The following CTNNBL1 variants were observed in gnomAD, a reference collection of about 807,000 sequenced individuals.
CTNNBL1 encodes the protein beta-catenin-like protein 1.
Under a neutral mutation model 72.7 loss-of-function variants are expected in CTNNBL1, and 31 were observed. The ratio of observed to expected loss-of-function variants is 0.43; its 90% CI spans 0.32 to 0.58. The LOEUF (loss-of-function observed/expected upper bound fraction) is 0.58. CTNNBL1 is among the 20% of genes least tolerant of loss of function. The pLI is 0.08. For missense variants in CTNNBL1, 534 were observed against 725.1 expected (o/e 0.74, Z 3.03); for synonymous variants, 240 against 267.3 (o/e 0.90, Z 1.00).
intron 10 of CTNNBL1, among the ~76,000 whole-genome samples, chr20:37,795,079 C>T (rs1682873430): frequency 6.7e-6 from 1 of 149,932 alleles, no homozygotes; most frequent in South Asian, 2.1e-4. Context: ...GTTCGTTGAG[C>T]TACTTGGGTC....
Position 37,779,276 on chromosome 20 carries a change from T to C in CTNNBL1, c.972T>C (p.Ser324=), listed in dbSNP as rs149569480. 276 of 1,613,864 alleles carry C rather than the reference T, an allele frequency of 1.7e-4. 3 individuals carry two copies. The East Asian group carries it at 5.2e-3, about 30-fold the overall frequency. Residue 324 remains serine, a synonymous_variant, in exon 10 of 16, where the codon AGT becomes AGC. Coordinates refer to ENST00000361383, the MANE Select transcript of CTNNBL1 (RefSeq NM_030877.5). The part of the protein sequence containing the change: ...FDSLCSCLML[S]SNRERFLKGE... ...CCCTCTGCTCCTGTCTAATGCTTAGTTCCAATCGTGAGCGCTTCCTGAAGG... is the reference window on the plus strand; with the variant it reads ...CCCTCTGCTCCTGTCTAATGCTTAGCTCCAATCGTGAGCGCTTCCTGAAGG...
At chr20:37,812,474 C>T (rs2072021038) in intron 11 of CTNNBL1, among the ~76,000 whole-genome samples, 1 of 152,154 alleles carries the variant, frequency 6.6e-6, no homozygotes, top group African/African-American at 2.4e-5. Flanking sequence ...TACCCTGGAC[C>T]CTCAGTTACG....
At chr20:37,830,113 C>T (rs1438762478) in intron 11 of CTNNBL1, among the ~76,000 whole-genome samples, 2 of 137,520 alleles carry the variant, frequency 1.5e-5, no homozygotes, top group South Asian at 2.6e-4. Flanking sequence ...GGATTACAAG[C>T]GTGAGCCAAC....
At chr20:37,846,556 T>C (rs1160624478) in intron 13 of CTNNBL1, among the ~76,000 whole-genome samples, 1 of 152,144 alleles carries the variant, frequency 6.6e-6, no homozygotes, top group African/African-American at 2.4e-5. Flanking sequence ...GCACAGGGCC[T>C]GGCACACAGA....
At chr20:37,807,803 G>A (rs1035639049) in intron 11 of CTNNBL1, among the ~76,000 whole-genome samples, 3 of 152,168 alleles carry the variant, frequency 2.0e-5, no homozygotes, top group African/African-American at 7.2e-5. Flanking sequence ...GCCCTTGGGT[G>A]CACTAGCATG....
At chr20:37,788,950 G>C (rs534629081) in intron 10 of CTNNBL1, among the ~76,000 whole-genome samples, 1 of 152,278 alleles carries the variant, frequency 6.6e-6, no homozygotes, top group South Asian at 2.1e-4. Flanking sequence ...GTGCTTGACA[G>C]AATCAATAAG....
chr20:37,764,936 C>G (rs1387462676), intron 5 of CTNNBL1, among the ~76,000 whole-genome samples: 1 of 152,092 alleles, frequency 6.6e-6, no homozygotes, highest in Middle Eastern at 3.2e-3. Context: ...AACCTTTTAA[C>G]CTTGAATTTT....
intron 13 of CTNNBL1, among the ~76,000 whole-genome samples, chr20:37,854,081 CAT>C (rs2072418666): frequency 6.6e-6 from 1 of 152,210 alleles, no homozygotes; most frequent in Non-Finnish European, 1.5e-5. Context: ...ACTTTCAAAT[CAT>C]GTGGCCATAT....
chr20:37,785,359 C>T (rs2073663309), intron 10 of CTNNBL1, among the ~76,000 whole-genome samples: 1 of 152,138 alleles, frequency 6.6e-6, no homozygotes, highest in African/African-American at 2.4e-5. Context: ...ACTTTCTACC[C>T]CAATATCTCT....
intron 7 of CTNNBL1, among the ~76,000 whole-genome samples, chr20:37,773,909 C>CTTTTTTTTTTTTTTTTTTTT (rs1176688817): frequency 1.9e-5 from 2 of 104,646 alleles, no homozygotes; most frequent in African/African-American, 4.3e-5. Flanking sequence ...TTCTTTCTCT[C>CTTTTTTTTTTTTTTTTTTTT]TTTTTTTTTT....
At chr20:37,822,527 T>C (rs1353895182) in intron 11 of CTNNBL1, among the ~76,000 whole-genome samples, 1 of 152,234 alleles carries the variant, frequency 6.6e-6, no homozygotes, top group Non-Finnish European at 1.5e-5. Context: ...AAAGGGACAT[T>C]GGAGTTTCAG....
At chr20:37,854,093 T>G (rs2072418735) in intron 13 of CTNNBL1, among the ~76,000 whole-genome samples, 1 of 152,262 alleles carries the variant, frequency 6.6e-6, no homozygotes, top group Non-Finnish European at 1.5e-5. Flanking sequence ...TGTGGCCATA[T>G]GGCTAAAAGT....
Position 37,746,525 on chromosome 20 carries a change from C to T in CTNNBL1, c.384C>T (p.Ala128=), listed in dbSNP as rs1175588457. 1.9e-6 allele frequency: 3 copies of T among 1,613,998 alleles called. No individual in the cohort carries two copies. The Admixed American group carries it at 5.0e-5, about 27-fold the overall frequency. The part of the protein sequence containing the change: ...NDIIQEMHVV[A]TMPDLYHLLV... Reference sequence around the variant, plus strand: ...TCATTCAGGAGATGCACGTGGTGGCCACCATGCCAGACCTGTACCACCTTC... The same window carrying T: ...TCATTCAGGAGATGCACGTGGTGGCTACCATGCCAGACCTGTACCACCTTC... The change falls in exon 4 of 16, where the codon GCC becomes GCT. Residue 128 remains alanine, a synonymous_variant. Coordinates refer to ENST00000361383, the MANE Select transcript of CTNNBL1 (RefSeq NM_030877.5).
chr20:37,707,859 A>G (rs1330450829), intron 1 of CTNNBL1, among the ~76,000 whole-genome samples: 1 of 152,166 alleles, frequency 6.6e-6, no homozygotes, highest in Non-Finnish European at 1.5e-5. Context: ...TTGAACACTT[A>G]GGGCCATTGT....
chr20:37,811,066 CTTCTATGTTGG>C (rs1281731084), intron 11 of CTNNBL1, among the ~76,000 whole-genome samples: 1 of 152,164 alleles, frequency 6.6e-6, no homozygotes, highest in Admixed American at 6.5e-5. Context: ...ATTCCTCCTC[CTTCTATGTTGG>C]TAATTTTAGA....
intron 7 of CTNNBL1, among the ~76,000 whole-genome samples, chr20:37,775,141 T>C (rs572525457): frequency 6.6e-6 from 1 of 152,348 alleles, no homozygotes; most frequent in East Asian, 1.9e-4. Context: ...TATATTTATG[T>C]CCTTACAATT....
chr20:37,823,397 AG>A (rs1474142683), intron 11 of CTNNBL1, among the ~76,000 whole-genome samples: 2 of 152,220 alleles, frequency 1.3e-5, no homozygotes, highest in Admixed American at 1.3e-4. Flanking sequence ...TTGGGTCTGC[AG>A]CAAGTTTTTC....
chr20:37,815,076 A>AGAGTGTGT (rs1555830916), intron 11 of CTNNBL1, among the ~76,000 whole-genome samples: 1 of 147,282 alleles, frequency 6.8e-6, no homozygotes, highest in East Asian at 2.0e-4. Context: ...GGACTCTGTG[A>AGAGTGTGT]GTGTGTGTGT....
chr20:37,767,342 A>G (rs2073478888), intron 6 of CTNNBL1, among the ~76,000 whole-genome samples: 1 of 152,164 alleles, frequency 6.6e-6, no homozygotes, highest in Admixed American at 6.5e-5. Context: ...ATTAAGCAAC[A>G]CTTTGGCTGT....
Sources: gnomAD v4.1 joint callset for allele counts (sites outside exome capture counted in the v4.1 genomes callset) on GRCh38, gnomAD v4.1.1 for gene constraint, MANE v1.5 for transcripts, NCBI Gene and HGNC (gene_info 2026-07-23, HGNC 2026-07-21) for gene names.